SLC4A4: variants seen among roughly 807,000 people sequenced by gnomAD.
The protein encoded by SLC4A4 is solute carrier family 4 member 4.
A neutral mutation model predicts 111.5 loss-of-function variants in SLC4A4; 27 were observed. The ratio of observed to expected loss-of-function variants is 0.24; its 90% CI spans 0.18 to 0.33. The LOEUF is 0.33. Among genes scored for constraint, SLC4A4 ranks in the 10% least tolerant of loss-of-function variants. SLC4A4 has a pLI of 1.00. For synonymous variants in SLC4A4, 443 were observed against 463.4 expected (o/e 0.96, Z 0.57); for missense variants, 909 against 1,315.5 (o/e 0.69, Z 4.78).
At chr4:71,493,633 G>GTC (rs1186668344) in intron 15 of SLC4A4, among the ~76,000 whole-genome samples, 2 of 151,236 alleles carry the variant, frequency 1.3e-5, no homozygotes, top group African/African-American at 2.4e-5. Flanking sequence ...GTCCTGGGAC[G>GTC]TCTCTCTCTC....
intron 16 of SLC4A4, among the ~76,000 whole-genome samples, chr4:71,504,631 T>C (rs6447031): frequency 0.42 from 61,664 of 147,748 alleles, 15,362 homozygotes; most frequent in East Asian, 0.66. Context: ...ATTCTTTTTT[T>C]GGACCTCCTA....
At chr4:71,491,483 T>C (rs1048283203) in intron 15 of SLC4A4, among the ~76,000 whole-genome samples, 6 of 151,850 alleles carry the variant, frequency 4.0e-5, no homozygotes, top group Non-Finnish European at 7.4e-5. Flanking sequence ...GGCACTCTGG[T>C]TTCCTTCCAC....
intron 16 of SLC4A4, among the ~76,000 whole-genome samples, chr4:71,501,900 T>A (rs968377646): frequency 1.3e-5 from 2 of 152,114 alleles, no homozygotes; most frequent in African/African-American, 4.8e-5. Flanking sequence ...CCTGACCTTG[T>A]GATCCCCCTG....
At chr4:71,280,196 T>C (rs1412524672) in intron 3 of SLC4A4, among the ~76,000 whole-genome samples, 2 of 152,268 alleles carry the variant, frequency 1.3e-5, no homozygotes, top group Admixed American at 6.5e-5. Flanking sequence ...CAGATATCTG[T>C]TGGTTATTTG....
intron 5 of SLC4A4, among the ~76,000 whole-genome samples, chr4:71,354,892 T>C (rs1343880562): frequency 6.6e-6 from 1 of 152,190 alleles, no homozygotes; most frequent in African/African-American, 2.4e-5. Flanking sequence ...CTTTCAGCTC[T>C]GCTATCATCT....
chr4:71,350,199 C>T (rs1425223186), intron 5 of SLC4A4, 127 bp downstream of exon 5: 6 of 913,460 alleles, frequency 6.6e-6, no homozygotes, highest in African/African-American at 1.7e-5. Flanking sequence ...TCTCTTTTTG[C>T]ATTATAACAT....
chr4:71,107,821 C>T (rs560288136), intron 2 of SLC4A4, among the ~76,000 whole-genome samples: 2 of 152,162 alleles, frequency 1.3e-5, no homozygotes, highest in South Asian at 2.1e-4. Context: ...AATCCTCCTG[C>T]CTCAGCCGCC....
intron 3 of SLC4A4, among the ~76,000 whole-genome samples, chr4:71,296,772 TCA>T (rs752581562): frequency 6.6e-4 from 100 of 152,308 alleles, no homozygotes; most frequent in African/African-American, 7.7e-4. Context: ...ATCTGCTCTC[TCA>T]GTTTTTCAAG....
chr4:71,196,090 C>T (rs1578578515), intron 1 of SLC4A4, among the ~76,000 whole-genome samples: 1 of 152,226 alleles, frequency 6.6e-6, no homozygotes, highest in Non-Finnish European at 1.5e-5. Flanking sequence ...TCCTTGAGTA[C>T]TGTGTGACCA....
chr4:71,294,994 T>C (rs1724661509), intron 3 of SLC4A4, among the ~76,000 whole-genome samples: 1 of 152,246 alleles, frequency 6.6e-6, no homozygotes, highest in Admixed American at 6.5e-5. Context: ...TTTACTGTGC[T>C]ATAATTTCAG....
chr4:71,126,730 T>C (rs186294693), intron 2 of SLC4A4, among the ~76,000 whole-genome samples: 8 of 152,378 alleles, frequency 5.3e-5, no homozygotes, highest in African/African-American at 1.7e-4. Context: ...AGAGAATTTC[T>C]AGTGAGAAAC....
chr4:71,253,496 T>G (rs935045427), intron 2 of SLC4A4, among the ~76,000 whole-genome samples: 5 of 152,204 alleles, frequency 3.3e-5, no homozygotes, highest in Admixed American at 6.5e-5. Context: ...AACCTCTTAA[T>G]TTGTGTGTGT....
intron 1 of SLC4A4, among the ~76,000 whole-genome samples, chr4:71,065,261 A>G (rs7655362): frequency 1 from 152,284 of 152,312 alleles, 76,128 homozygotes; most frequent in Middle Eastern, 1. Flanking sequence ...GGTGTTTTAC[A>G]TCATCCATTT....
At chr4:71,421,225 A>C (rs1722451714) in intron 7 of SLC4A4, among the ~76,000 whole-genome samples, 1 of 152,186 alleles carries the variant, frequency 6.6e-6, no homozygotes, top group Non-Finnish European at 1.5e-5. Flanking sequence ...AACAAAGATC[A>C]AAAGAGACAA....
chr4:71,408,607 T>C (rs1324523382), intron 7 of SLC4A4, among the ~76,000 whole-genome samples: 1 of 152,234 alleles, frequency 6.6e-6, no homozygotes, highest in Non-Finnish European at 1.5e-5. Context: ...AAGAAATGTA[T>C]GTCCGATTGT....
At position 71,506,630 on chromosome 4, in the gene SLC4A4, T is replaced by A. The variant is rs138087031; in HGVS notation, c.2166+8938T>A. Among the ~76,000 whole-genome samples the A allele has an allele frequency of 5.2e-3, 787 of 152,232 alleles. 10 individuals are homozygous for A. The highest frequency in any genetic ancestry group is 0.023 in the Admixed American group (356 of 15,276). On this transcript the variant is annotated intron_variant, in intron 16 of 25. Coordinates refer to ENST00000264485, the MANE Select transcript of SLC4A4 (RefSeq NM_001098484.3). ...TTTCTAGATACAGTTTTATATAATC[T>A]GCAAACTAGGTAGTTTGACTCCCAG...
chr4:71,144,675 T>C (rs1209938230), intron 2 of SLC4A4, among the ~76,000 whole-genome samples: 1 of 151,702 alleles, frequency 6.6e-6, no homozygotes, highest in Non-Finnish European at 1.5e-5. Flanking sequence ...CCCTTGTAAG[T>C]TGGAGTCCTA....
rs76056337 is a variant in SLC4A4, at chr4:71,262,716, A to C, written c.253+7317A>C. On this transcript the variant is annotated intron_variant, in intron 3 of 25. Transcript: ENST00000264485. ...AAGGCTGCCAGACATCTAAAATATT[A>C]GTTCTATAGTCTCTCCTTAATTAAA... 9.3e-3 allele frequency among the ~76,000 whole-genome samples: 1,416 copies of C among 152,250 alleles called. 22 individuals carry two copies. The highest frequency in any genetic ancestry group is 0.068 in the East Asian group (351 of 5,182).
At chr4:71,147,881 A>C (rs1424272662) in intron 2 of SLC4A4, among the ~76,000 whole-genome samples, 3 of 152,046 alleles carry the variant, frequency 2.0e-5, no homozygotes, top group Non-Finnish European at 4.4e-5. Flanking sequence ...GGTTGTCCCG[A>C]GGGAGGACAG....
Sources: allele counts gnomAD v4.1 joint callset (sites outside exome capture counted in the v4.1 genomes callset), GRCh38; gene constraint gnomAD v4.1.1; transcripts MANE v1.5; gene names NCBI Gene and HGNC (gene_info 2026-07-23, HGNC 2026-07-21).